Variants in EIF4ENIF1 observed in about 807,000 individuals in gnomAD.
EIF4ENIF1 encodes the protein eukaryotic translation initiation factor 4E transporter.
A neutral mutation model predicts 110.5 loss-of-function variants in EIF4ENIF1; 23 were observed. The observed-to-expected ratio is 0.21, with a 90% confidence interval of 0.15 to 0.29. The LOEUF (loss-of-function observed/expected upper bound fraction) is 0.29, where lower values mean the gene tolerates loss of function less well. Ranked by LOEUF, EIF4ENIF1 falls within the 10% of genes least tolerant of loss-of-function variation. EIF4ENIF1 has a pLI of 1.00. For missense variants in EIF4ENIF1, 1,031 were observed against 1,221.1 expected, an observed-to-expected ratio of 0.84 and a Z score of 2.32; for synonymous variants, 440 against 437.0, an observed-to-expected ratio of 1.01 and a Z score of -0.09.
chr22:31,456,845 C>G (rs2050847661), intron 7 of EIF4ENIF1, among the ~76,000 whole-genome samples: 1 of 152,136 alleles, frequency 6.6e-6, no homozygotes, highest in Admixed American at 6.5e-5. Flanking sequence ...AGCCTCTATG[C>G]TACAAAAAGG....
chr22:31,458,227 C>CA (rs199867405), intron 7 of EIF4ENIF1, among the ~76,000 whole-genome samples: 11,055 of 103,150 alleles, frequency 0.11, 668 homozygotes, highest in East Asian at 0.43. Flanking sequence ...GATTCCAACT[C>CA]AAAAAAAAAA....
At chr22:31,471,445 G>A (rs917172528) in intron 3 of EIF4ENIF1, among the ~76,000 whole-genome samples, 3 of 152,020 alleles carry the variant, frequency 2.0e-5, no homozygotes, top group Non-Finnish European at 4.4e-5. Flanking sequence ...CTCCCGAGTA[G>A]CTGGGACTAC....
chr22:31,442,359 G>A (rs2050327908), intron 16 of EIF4ENIF1, among the ~76,000 whole-genome samples: 1 of 152,144 alleles, frequency 6.6e-6, no homozygotes, highest in African/African-American at 2.4e-5. Context: ...TATCACAACA[G>A]AAAATCTAAA....
chr22:31,458,679 C>G (rs750873726), intron 6 of EIF4ENIF1, 29 bp from the exon 7 acceptor site: 4 of 1,547,074 alleles, frequency 2.6e-6, no homozygotes, highest in Non-Finnish European at 2.6e-6. Flanking sequence ...CAAAAACCGT[C>G]TGATAAGTAA....
chr22:31,456,061 G>A, intron 7 of EIF4ENIF1, 74 bp from the exon 8 acceptor site: 3 of 1,493,256 alleles, frequency 2.0e-6, no homozygotes, highest in Non-Finnish European at 2.7e-6. Flanking sequence ...TTATGAAAGG[G>A]TCACTTACTT....
rs1224843883 is a variant in EIF4ENIF1 at position 31,455,912 on chromosome 22, A to T, written c.1039T>A (p.Ser347Thr). Residue 347 changes from serine (S) to threonine (T), a missense_variant, in exon 8 of 19, where the codon TCA becomes ACA. Ser to Thr is a moderately conservative substitution (Grantham distance 58). Around this residue, in one of 3 missense-constraint regions of EIF4ENIF1, gnomAD observed 704 missense variants for 879.7 expected, o/e 0.80. Coordinates refer to ENST00000330125, the MANE Select transcript of EIF4ENIF1 (RefSeq NM_019843.4). ...FSRWFSNPSR[S>T]GSRSSSLGST... is the part of the protein sequence containing the mutation. ...CCAAGACTGCTGGATCGGCTTCCTG[A>T]TCTGCTCGGGTTAGAGAACCACCTA... The T allele has an allele frequency of 1.2e-6, 2 of 1,614,174 alleles. No homozygotes were observed. The highest frequency in any genetic ancestry group is 1.7e-5 in the Admixed American group (1 of 60,018).
chr22:31,476,415 T>A (rs891077363), intron 2 of EIF4ENIF1, among the ~76,000 whole-genome samples: 1 of 152,160 alleles, frequency 6.6e-6, no homozygotes, highest in African/African-American at 2.4e-5. Context: ...GTTAATACTT[T>A]AACACAACCA....
intron 15 of EIF4ENIF1, chr22:31,443,318 A>G (rs2050361717): frequency 2.0e-6 from 1 of 496,422 alleles, no homozygotes; most frequent in Admixed American, 3.9e-5. Context: ...TAATGGGGAC[A>G]TGCCTATGCA....
At chr22:31,455,074 G>C (rs1228832204) in intron 9 of EIF4ENIF1, 62 bp downstream of exon 9, 1 of 1,427,116 alleles carries the variant, frequency 7.0e-7, no homozygotes, top group Non-Finnish European at 9.4e-7. Context: ...AGACCCAACT[G>C]CCTGAAGACT....
intron 5 of EIF4ENIF1, among the ~76,000 whole-genome samples, chr22:31,463,400 C>T (rs1355660855): frequency 2.6e-5 from 4 of 151,944 alleles, no homozygotes; most frequent in Non-Finnish European, 5.9e-5. Flanking sequence ...AAACCCAGGT[C>T]GGGTGTGGTG....
chr22:31,472,633 T>C (rs1045270579), intron 2 of EIF4ENIF1, among the ~76,000 whole-genome samples: 3 of 152,186 alleles, frequency 2.0e-5, no homozygotes, highest in Non-Finnish European at 2.9e-5. Context: ...CCATATACTA[T>C]GTACCTATTA....
intron 3 of EIF4ENIF1, among the ~76,000 whole-genome samples, chr22:31,469,332 C>T (rs1014030521): frequency 6.6e-6 from 1 of 152,164 alleles, no homozygotes; most frequent in Non-Finnish European, 1.5e-5. Context: ...TCCTTTGCAG[C>T]CTGTGATGTT....
intron 18 of EIF4ENIF1, 129 bp from the exon 19 acceptor site, chr22:31,440,250 C>T: frequency 7.5e-7 from 1 of 1,337,182 alleles, no homozygotes; most frequent in Non-Finnish European, 1.0e-6. Context: ...TTAGAAACTC[C>T]TTTGCAAAAT....
chr22:31,470,614 TTAG>T (rs1477974705), intron 3 of EIF4ENIF1, among the ~76,000 whole-genome samples: 2 of 151,854 alleles, frequency 1.3e-5, no homozygotes, highest in African/African-American at 4.9e-5. Context: ...ATGGTTTATA[TTAG>T]TATTAGCCTA....
At chr22:31,469,694 T>A (rs879883415) in intron 3 of EIF4ENIF1, among the ~76,000 whole-genome samples, 47 of 152,230 alleles carry the variant, frequency 3.1e-4, no homozygotes, top group Non-Finnish European at 5.9e-4. Context: ...CCAGGATAAC[T>A]TTTTTATTTT....
rs771597260 is a variant in EIF4ENIF1 at position 31,441,550 on chromosome 22, G to GAAAAAAAAAAA, written c.2551+213_2551+223dup. Reference sequence around the variant, plus strand: ...GTGAGACTTCTGTCTCTACAAAAAGGAAAAAAAAAAAAAAAAAAAAAAAGA... The same window carrying GAAAAAAAAAAA: ...GTGAGACTTCTGTCTCTACAAAAAGGAAAAAAAAAAAAAAAAAAAAAAAAAAAAAAAAAAGA... On this transcript the variant is annotated intron_variant, in intron 17 of 18. Transcript: ENST00000330125. 2.9e-4 allele frequency among the ~76,000 whole-genome samples: 19 copies of GAAAAAAAAAAA among 65,248 alleles called. 1 individual carries two copies. Among genetic ancestry groups the GAAAAAAAAAAA allele is most frequent in the African/African-American group, 1.1e-3 (19 of 16,996 alleles). 42.8% of individuals were successfully genotyped at this position (65,248 alleles called of 152,430 possible).
chr22:31,463,157 T>C, intron 5 of EIF4ENIF1, 24 bp from the exon 6 acceptor site: 1 of 1,606,098 alleles, frequency 6.2e-7, no homozygotes, highest in Non-Finnish European at 8.5e-7. Flanking sequence ...TAAAGCAAGA[T>C]TAAAAAATTT....
chr22:31,479,034 C>G (rs1266956353), intron 2 of EIF4ENIF1, among the ~76,000 whole-genome samples: 1 of 94,202 alleles, frequency 1.1e-5, no homozygotes, highest in African/African-American at 2.7e-5. Context: ...CACACATAGA[C>G]AGATGACTCT....
At chr22:31,443,595 TTGCC>T (rs1266245713) in intron 15 of EIF4ENIF1, among the ~76,000 whole-genome samples, 5 of 152,004 alleles carry the variant, frequency 3.3e-5, no homozygotes, top group Non-Finnish European at 5.9e-5. Flanking sequence ...TATTATGCAT[TTGCC>T]TTTTCTCACC....
Sources: allele counts gnomAD v4.1 joint callset (sites outside exome capture counted in the v4.1 genomes callset), GRCh38; gene constraint gnomAD v4.1.1; regional missense constraint gnomAD v4.1.1; transcripts MANE v1.5; gene names NCBI Gene and HGNC (gene_info 2026-07-23, HGNC 2026-07-21).